SRGAP2: variants seen among roughly 807,000 people sequenced by gnomAD.
SRGAP2 encodes the protein SLIT-ROBO Rho GTPase-activating protein 2.
A neutral mutation model predicts 57.2 loss-of-function variants in SRGAP2; 15 were observed. The ratio of observed to expected loss-of-function variants is 0.26; its 90% CI spans 0.18 to 0.40. SRGAP2 has a LOEUF of 0.40. SRGAP2 is among the 10% of genes least tolerant of loss of function. The pLI is 1.00. For missense variants in SRGAP2, 520 were observed against 669.6 expected, an observed-to-expected ratio of 0.78 and a Z score of 2.47; for synonymous variants, 249 against 248.0, an observed-to-expected ratio of 1.00 and a Z score of -0.04.
At chr1:206,397,431 A>G (rs537509297) in intron 7 of SRGAP2, among the ~76,000 whole-genome samples, 1 of 152,182 alleles carries the variant, frequency 6.6e-6, no homozygotes, top group Non-Finnish European at 1.5e-5. Flanking sequence ...CATCTGTGTC[A>G]TGTACAGCCT....
intron 5 of SRGAP2, among the ~76,000 whole-genome samples, chr1:206,391,687 G>T (rs1185549535): frequency 6.7e-6 from 1 of 149,206 alleles, no homozygotes; most frequent in Non-Finnish European, 1.5e-5. Context: ...CCATCTCAAA[G>T]AAATCTTATG....
chr1:206,437,235 T>C (rs1553370389), intron 15 of SRGAP2, among the ~76,000 whole-genome samples, 193 bp downstream of exon 15: 1 of 152,172 alleles, frequency 6.6e-6, no homozygotes, highest in East Asian at 1.9e-4. Flanking sequence ...CCAGTTTCCT[T>C]CTTCTTTCGT....
chr1:206,332,166 G>A (rs1674404851), intron 3 of SRGAP2, among the ~76,000 whole-genome samples: 1 of 111,464 alleles, frequency 9.0e-6, no homozygotes, highest in Non-Finnish European at 1.8e-5. Context: ...TAGGGTTTCT[G>A]CCGAGAGATC....
At position 206,203,660 on chromosome 1, in the gene SRGAP2, C is replaced by G. The variant is rs1665537734; in HGVS notation, c.-543+10C>G. ...GTCGCGTCAGAGCCAGGTAAAGGCT[C>G]CTTCCCTCTTCCTTTTCTTCCTCCC... On this transcript the variant is annotated intron_variant, in intron 1 of 22. Coordinates refer to ENST00000573034, the MANE Select transcript of SRGAP2 (RefSeq NM_015326.5). 5 of 615,560 alleles carry G rather than the reference C, an allele frequency of 8.1e-6. No individual in the cohort carries two copies. In the Admixed American group the frequency reaches 1.5e-4, roughly 18 times the overall value. The allele number at this position is 615,560 out of a possible 1,614,324, so 38.1% of individuals were successfully genotyped here. A position where few individuals can be genotyped will look rare whatever the true frequency, so the allele number is the denominator to read the frequency against.
At chr1:206,318,557 A>G (rs1553326627) in intron 3 of SRGAP2, among the ~76,000 whole-genome samples, 1 of 152,260 alleles carries the variant, frequency 6.6e-6, no homozygotes, top group Non-Finnish European at 1.5e-5. Context: ...GATGCTGTAA[A>G]TAAATACCTG....
At chr1:206,391,598 G>A (rs1656957205) in intron 5 of SRGAP2, among the ~76,000 whole-genome samples, 1 of 119,700 alleles carries the variant, frequency 8.4e-6, no homozygotes, top group South Asian at 2.8e-4. Flanking sequence ...TTGCACTCCT[G>A]TGTTACACAC....
chr1:206,423,411 G>T (rs1553365063), intron 13 of SRGAP2, among the ~76,000 whole-genome samples: 3 of 152,162 alleles, frequency 2.0e-5, no homozygotes. Context: ...TGAGTCCAAT[G>T]AGTAATTCCT....
At chr1:206,391,550 T>TTAA (rs1371754247) in intron 5 of SRGAP2, among the ~76,000 whole-genome samples, 6 of 142,092 alleles carry the variant, frequency 4.2e-5, no homozygotes, top group Non-Finnish European at 9.1e-5. Context: ...GTACACAATG[T>TTAA]TTATTAAGTG....
At chr1:206,378,244 C>G (rs1553345573) in intron 4 of SRGAP2, among the ~76,000 whole-genome samples, 2 of 151,772 alleles carry the variant, frequency 1.3e-5, no homozygotes, top group African/African-American at 4.8e-5. Flanking sequence ...ACTTGGGAAG[C>G]TGAGGCAGGA....
intron 3 of SRGAP2, among the ~76,000 whole-genome samples, chr1:206,321,739 T>C (rs1553327692): frequency 6.7e-6 from 1 of 148,440 alleles, no homozygotes; most frequent in African/African-American, 2.5e-5. Context: ...GTTCATATTG[T>C]TCTATATTTG....
chr1:206,253,731 G>A (rs1340743789), intron 2 of SRGAP2, among the ~76,000 whole-genome samples: 1 of 150,476 alleles, frequency 6.6e-6, no homozygotes, highest in African/African-American at 2.4e-5. Flanking sequence ...ACAGGCGCCC[G>A]CCACCAGGCC....
chr1:206,386,754 G>A (rs529059127), intron 5 of SRGAP2, among the ~76,000 whole-genome samples: 2 of 145,784 alleles, frequency 1.4e-5, no homozygotes, highest in South Asian at 2.2e-4. Context: ...AGCCGAGATC[G>A]TGCCACTGCA....
chr1:206,425,886 G>A lies in SRGAP2; in HGVS notation c.1495-4276G>A, dbSNP rs549908532. 4.2e-5 allele frequency among the ~76,000 whole-genome samples: 6 copies of A among 141,252 alleles called. No individual in the cohort carries two copies. In the East Asian group the frequency reaches 1.2e-3, roughly 29 times the overall value. The allele number at this position is 141,252 out of a possible 152,430, so 92.7% of individuals were successfully genotyped here. A position where few individuals can be genotyped will look rare whatever the true frequency, so the allele number is the denominator to read the frequency against. On this transcript the variant is annotated intron_variant, in intron 13 of 22. Coordinates refer to ENST00000573034, the MANE Select transcript of SRGAP2 (RefSeq NM_015326.5). ...TTTGAGATGGAGTTTCACTCTTGTCGCCCAGGCTGGGGTGCAATGGTGCAA... is the reference window on the plus strand; with the variant it reads ...TTTGAGATGGAGTTTCACTCTTGTCACCCAGGCTGGGGTGCAATGGTGCAA...
chr1:206,300,827 C>A, intron 2 of SRGAP2, among the ~76,000 whole-genome samples: 1 of 148,990 alleles, frequency 6.7e-6, no homozygotes, highest in East Asian at 2.0e-4. Flanking sequence ...CTTGTCCTCT[C>A]TTTTTTTGGC....
intron 14 of SRGAP2, among the ~76,000 whole-genome samples, chr1:206,435,982 T>C (rs1186576733): frequency 1.3e-5 from 2 of 152,226 alleles, no homozygotes; most frequent in Non-Finnish European, 2.9e-5. Flanking sequence ...GCACAATGTC[T>C]GGCAATACTA....
chr1:206,259,639 A>G (rs1247397479), intron 2 of SRGAP2, among the ~76,000 whole-genome samples: 1 of 150,230 alleles, frequency 6.7e-6, no homozygotes, highest in Non-Finnish European at 1.5e-5. Context: ...GTTTGCATTT[A>G]TCTAGTTGAG....
chr1:206,377,200 G>A (rs1298462657), intron 4 of SRGAP2, among the ~76,000 whole-genome samples: 1 of 151,940 alleles, frequency 6.6e-6, no homozygotes, highest in African/African-American at 2.4e-5. Flanking sequence ...AACAAGTATT[G>A]GGCCTTAGAC....
At chr1:206,309,669 T>C (rs1236881263) in intron 3 of SRGAP2, among the ~76,000 whole-genome samples, 1 of 151,950 alleles carries the variant, frequency 6.6e-6, no homozygotes, top group African/African-American at 2.4e-5. Flanking sequence ...AAGATCTGTT[T>C]TGAATGGTGA....
At chr1:206,460,771 A>C (rs2103424209) in intron 22 of SRGAP2, among the ~76,000 whole-genome samples, 1 of 152,176 alleles carries the variant, frequency 6.6e-6, no homozygotes, top group South Asian at 2.1e-4. Flanking sequence ...TAAGTATTTC[A>C]ATATCTATCT....
Sources: gnomAD v4.1 joint callset for allele counts (sites outside exome capture counted in the v4.1 genomes callset) on GRCh38, gnomAD v4.1.1 for gene constraint, MANE v1.5 for transcripts, NCBI Gene and HGNC (gene_info 2026-07-23, HGNC 2026-07-21) for gene names.